TPST1: variants seen among roughly 807,000 people sequenced by gnomAD.
TPST1 encodes protein-tyrosine sulfotransferase 1.
TPST1 carries 20 observed loss-of-function variants against 34.8 expected under a neutral mutation model. That is an observed-to-expected ratio of 0.57 (90% CI 0.40 to 0.84). The LOEUF is 0.84. Ranked by LOEUF, TPST1 falls within the 40% of genes least tolerant of loss-of-function variation. The pLI is 0.00. For synonymous variants in TPST1, 152 were observed against 159.4 expected (o/e 0.95, Z 0.35); for missense variants, 353 against 455.5 (o/e 0.78, Z 2.05).
At chr7:66,283,108 C>T (rs531944126) in intron 2 of TPST1, among the ~76,000 whole-genome samples, 32 of 152,198 alleles carry the variant, frequency 2.1e-4, no homozygotes, top group Admixed American at 5.2e-4. Context: ...ACTAAAAATA[C>T]AAAAATTAAC....
At chr7:66,213,204 T>G (rs989649943) in intron 1 of TPST1, among the ~76,000 whole-genome samples, 1 of 152,232 alleles carries the variant, frequency 6.6e-6, no homozygotes, top group Non-Finnish European at 1.5e-5. Context: ...TGTTACTGTC[T>G]CACAGGACGT....
At chr7:66,323,342 G>A (rs1011030707) in intron 3 of TPST1, among the ~76,000 whole-genome samples, 15 of 152,124 alleles carry the variant, frequency 9.9e-5, no homozygotes, top group South Asian at 4.2e-4. Context: ...CTGCCTGGCC[G>A]CTGTGGATTT....
intron 3 of TPST1, among the ~76,000 whole-genome samples, chr7:66,319,200 G>C (rs2116183145): frequency 6.6e-6 from 1 of 151,812 alleles, no homozygotes; most frequent in South Asian, 2.1e-4. Flanking sequence ...CCAGTTATTT[G>C]AATATTAAAA....
At chr7:66,354,522 C>CAAAAAAAAAAAAAAAAAA (rs66521537) in intron 4 of TPST1, among the ~76,000 whole-genome samples, 2 of 60,814 alleles carry the variant, frequency 3.3e-5, no homozygotes, top group African/African-American at 1.6e-4. Context: ...GAGTCTGTCT[C>CAAAAAAAAAAAAAAAAAA]AAAAAAAAAA....
chr7:66,266,610 T>C (rs1429251756), intron 2 of TPST1, among the ~76,000 whole-genome samples: 1 of 152,236 alleles, frequency 6.6e-6, no homozygotes, highest in African/African-American at 2.4e-5. Flanking sequence ...TAGTAATAGC[T>C]GAAAGCTAGA....
At chr7:66,254,310 C>T (rs1178765598) in intron 2 of TPST1, among the ~76,000 whole-genome samples, 2 of 152,138 alleles carry the variant, frequency 1.3e-5, no homozygotes, top group African/African-American at 4.8e-5. Flanking sequence ...TAATGTTCTT[C>T]ATAAAAGTAT....
intron 2 of TPST1, among the ~76,000 whole-genome samples, chr7:66,277,916 A>G (rs1281563045): frequency 2.0e-5 from 3 of 152,160 alleles, no homozygotes; most frequent in East Asian, 3.9e-4. Flanking sequence ...CCTGGCCAAC[A>G]TGGCGAAACC....
At chr7:66,286,026 C>G (rs1166384836) in intron 2 of TPST1, among the ~76,000 whole-genome samples, 1 of 152,146 alleles carries the variant, frequency 6.6e-6, no homozygotes, top group Non-Finnish European at 1.5e-5. Context: ...TTAAAATGTA[C>G]AGAAGAATTG....
At chr7:66,200,963 A>G (rs1172265539), upstream of TPST1, among the ~76,000 whole-genome samples, 1 of 151,894 alleles carries the variant, frequency 6.6e-6, no homozygotes, top group Non-Finnish European at 1.5e-5. Flanking sequence ...ACTGATCTCA[A>G]GTGATCTGCC....
At chr7:66,276,765 T>C (rs1187611185) in intron 2 of TPST1, among the ~76,000 whole-genome samples, 1 of 152,156 alleles carries the variant, frequency 6.6e-6, no homozygotes, top group Non-Finnish European at 1.5e-5. Flanking sequence ...GTCTTTTAGC[T>C]TGTTTTAAAA....
At chr7:66,334,963 G>GC in intron 3 of TPST1, among the ~76,000 whole-genome samples, 1 of 152,170 alleles carries the variant, frequency 6.6e-6, no homozygotes, top group Middle Eastern at 3.2e-3. Context: ...GGGACAAAGA[G>GC]CAGGGCACTG....
intron 3 of TPST1, among the ~76,000 whole-genome samples, chr7:66,302,189 G>A (rs927511965): frequency 1.3e-5 from 2 of 152,238 alleles, no homozygotes; most frequent in Admixed American, 1.3e-4. Context: ...AGCTGGGGCT[G>A]AGCAGTAGCT....
chr7:66,328,902 ATATATTTT>A (rs1791935615), intron 3 of TPST1, among the ~76,000 whole-genome samples: 2 of 38,586 alleles, frequency 5.2e-5, no homozygotes, highest in East Asian at 5.9e-4. Context: ...ATATATATAT[ATATATTTT>A]TTTTTTTTTT....
intron 1 of TPST1, among the ~76,000 whole-genome samples, chr7:66,235,347 T>C (rs985473715): frequency 6.6e-6 from 1 of 152,208 alleles, no homozygotes; most frequent in Non-Finnish European, 1.5e-5. Context: ...ATCTTAATAC[T>C]TTTTTCTTTG....
intron 1 of TPST1, among the ~76,000 whole-genome samples, chr7:66,232,612 C>A (rs1327952463): frequency 6.6e-6 from 1 of 152,154 alleles, no homozygotes; most frequent in Non-Finnish European, 1.5e-5. Flanking sequence ...CTGCCTCGGC[C>A]TCCCAAAGTG....
At chr7:66,278,253 G>A (rs1212556242) in intron 2 of TPST1, among the ~76,000 whole-genome samples, 6 of 151,994 alleles carry the variant, frequency 3.9e-5, no homozygotes, top group African/African-American at 1.5e-4. Context: ...TGGATTTGAT[G>A]TGAAGTATGA....
chr7:66,271,456 C>G (rs1431646427), intron 2 of TPST1, among the ~76,000 whole-genome samples: 1 of 152,186 alleles, frequency 6.6e-6, no homozygotes, highest in East Asian at 1.9e-4. Flanking sequence ...GGATTACAGG[C>G]GTGAGCCACC....
chr7:66,240,894 T>G lies in TPST1; in HGVS notation c.469T>G (p.Cys157Gly), dbSNP rs761729253. 6.2e-7 allele frequency: 1 copy of G among 1,614,218 alleles called. No homozygotes were observed. The highest frequency in any genetic ancestry group is 8.5e-7 in the Non-Finnish European group (1 of 1,180,046). The change falls in exon 2 of 6, where the codon TGT (cysteine) becomes GGT (glycine). Residue 157 changes from cysteine (C) to glycine (G), a missense_variant. Transcript: ENST00000304842. ...GCATGGGGAGCCAGCCCCTTATTTA[T>G]GTAATAAAGATCCTTTTGCCCTGAA... ...VKHGEPAPYLCNKDPFALKSL... is the reference protein window; with the variant it reads ...VKHGEPAPYLGNKDPFALKSL...
At chr7:66,308,350 TAA>T (rs1791463779) in intron 3 of TPST1, among the ~76,000 whole-genome samples, 1 of 152,326 alleles carries the variant, frequency 6.6e-6, no homozygotes, top group African/African-American at 2.4e-5. Context: ...TCCTGTATCT[TAA>T]GTTTTTGTTG....
Sources: gnomAD v4.1 joint callset for allele counts (sites outside exome capture counted in the v4.1 genomes callset) on GRCh38, gnomAD v4.1.1 for gene constraint, MANE v1.5 for transcripts, NCBI Gene and HGNC (gene_info 2026-07-23, HGNC 2026-07-21) for gene names.